RSAD2: variants seen among roughly 807,000 people sequenced by gnomAD.
RSAD2 encodes S-adenosylmethionine-dependent nucleotide dehydratase RSAD2.
In RSAD2, 38 loss-of-function variants were observed where a neutral mutation model predicts 37.7. The observed-to-expected ratio is 1.01, with a 90% CI of 0.78 to 1.32. The LOEUF (loss-of-function observed/expected upper bound fraction) is 1.32, where lower values mean the gene tolerates loss of function less well. RSAD2 is among the 40% of genes most tolerant of loss of function. The pLI is 0.00. For synonymous variants in RSAD2, 163 were observed against 157.4 expected (o/e 1.04, Z -0.27); for missense variants, 428 against 437.5 (o/e 0.98, Z 0.19).
At chr2:6,867,598 C>T (rs1378628151) in intron 1 of RSAD2, among the ~76,000 whole-genome samples, 2 of 152,128 alleles carry the variant, frequency 1.3e-5, no homozygotes, top group Non-Finnish European at 1.5e-5. Context: ...GGTTAGTAGC[C>T]TCTCCTGTGT....
intron 4 of RSAD2, among the ~76,000 whole-genome samples, chr2:6,892,922 C>T (rs1423970590): frequency 6.6e-6 from 1 of 152,164 alleles, no homozygotes; most frequent in Non-Finnish European, 1.5e-5. Flanking sequence ...GCCCTGTGAA[C>T]ATTATATAAA....
At chr2:6,889,055 G>A (rs987492822) in intron 3 of RSAD2, among the ~76,000 whole-genome samples, 1 of 152,196 alleles carries the variant, frequency 6.6e-6, no homozygotes, top group Admixed American at 6.5e-5. Context: ...TCCCCTTCCA[G>A]CTCCTACGGC....
At chr2:6,871,099 T>G (rs1410314996) in intron 1 of RSAD2, among the ~76,000 whole-genome samples, 1 of 152,200 alleles carries the variant, frequency 6.6e-6, no homozygotes, top group African/African-American at 2.4e-5. Context: ...GTTGGTACTT[T>G]GAAAGTCCTC....
In RSAD2 at chr2:6,883,315, T is replaced by C. The variant is rs563921038; in HGVS notation, c.347-56T>C. 40 of 1,532,490 alleles carry C rather than the reference T, an allele frequency of 2.6e-5. 1 individual carries two copies. In the South Asian group the frequency reaches 4.4e-4, roughly 17 times the overall value. 94.9% of individuals were successfully genotyped at this position (1,532,490 alleles called of 1,614,324 possible). ...CATTGAGAAAATACTACTTTTGCTA[T>C]TAAAATAATAATGTATATTTGTGAA... On this transcript the variant is annotated intron_variant, in intron 1 of 5. Transcript: ENST00000382040.
At chr2:6,882,702 C>T (rs1301505491) in intron 1 of RSAD2, among the ~76,000 whole-genome samples, 1 of 152,112 alleles carries the variant, frequency 6.6e-6, no homozygotes, top group East Asian at 1.9e-4. Context: ...GACACCCGGT[C>T]TTGAAATTCC....
At chr2:6,892,428 A>T (rs768041921) in intron 4 of RSAD2, among the ~76,000 whole-genome samples, 7 of 152,150 alleles carry the variant, frequency 4.6e-5, no homozygotes, top group Non-Finnish European at 8.8e-5. Flanking sequence ...CATCAAAGAA[A>T]ATTTGGTTGA....
intron 1 of RSAD2, among the ~76,000 whole-genome samples, chr2:6,872,612 ATGAC>A (rs1663219971): frequency 6.6e-6 from 1 of 152,188 alleles, no homozygotes; most frequent in Admixed American, 6.5e-5. Flanking sequence ...TTACAGTAAA[ATGAC>A]TGGTTATTTA....
intron 2 of RSAD2, among the ~76,000 whole-genome samples, chr2:6,884,779 G>T (rs1263788481): frequency 2.0e-5 from 3 of 152,194 alleles, no homozygotes; most frequent in Non-Finnish European, 4.4e-5. Context: ...GTGCATGAGT[G>T]GAGCGCCAAC....
At chr2:6,893,994 T>C (rs1011294740) in intron 5 of RSAD2, among the ~76,000 whole-genome samples, 17 of 152,204 alleles carry the variant, frequency 1.1e-4, no homozygotes, top group African/African-American at 3.9e-4. Flanking sequence ...GGATGTCACA[T>C]TGAACCCGTT....
At position 6,893,485 on chromosome 2, in the gene RSAD2, A is replaced by C. The variant is rs144080589; in HGVS notation, c.889-186A>C. On this transcript the variant is annotated intron_variant, in intron 4 of 5. Coordinates refer to ENST00000382040, the MANE Select transcript of RSAD2 (RefSeq NM_080657.5). ...GAGCAGAGAATCCAGGCCTGCTGTG[A>C]TCTGTTGAAAACCGAATGCACACAA... 3.5e-3 allele frequency among the ~76,000 whole-genome samples: 528 copies of C among 152,334 alleles called. 2 individuals are homozygous for C. Among genetic ancestry groups the C allele is most frequent in the African/African-American group, 0.012 (516 of 41,572 alleles).
intron 1 of RSAD2, chr2:6,866,260 C>T (rs1407229867): frequency 9.1e-6 from 2 of 219,660 alleles, no homozygotes; most frequent in African/African-American, 4.7e-5. Flanking sequence ...TGGGCTCCCT[C>T]CCCGACCTCA....
intron 5 of RSAD2, among the ~76,000 whole-genome samples, chr2:6,894,720 TC>T (rs1663703731): frequency 6.6e-6 from 1 of 152,252 alleles, no homozygotes. Flanking sequence ...ATGCTGGGAT[TC>T]CAGGTGTGGG....
At chr2:6,895,719 TTGAG>T in intron 5 of RSAD2, 55 bp from the exon 6 acceptor site, 1 of 1,453,316 alleles carries the variant, frequency 6.9e-7, no homozygotes, top group Non-Finnish European at 9.5e-7. Flanking sequence ...ATAGTCTAGA[TTGAG>T]TTTTACAGGA....
chr2:6,884,330 A>C (rs969301532), intron 2 of RSAD2, among the ~76,000 whole-genome samples: 1 of 152,184 alleles, frequency 6.6e-6, no homozygotes, highest in African/African-American at 2.4e-5. Flanking sequence ...AGGGTTAAGC[A>C]GGTAGAGAAG....
chr2:6,894,560 GGGCTCA>G (rs1343773409), intron 5 of RSAD2, among the ~76,000 whole-genome samples: 2 of 152,092 alleles, frequency 1.3e-5, no homozygotes, highest in African/African-American at 4.8e-5. Flanking sequence ...TCAGCCACCT[GGGCTCA>G]GGTGATCCTT....
intron 2 of RSAD2, chr2:6,883,803 A>G: frequency 2.6e-6 from 1 of 386,706 alleles, no homozygotes; most frequent in Non-Finnish European, 4.7e-6. Flanking sequence ...TAGCAAATAC[A>G]AGATCTATGG....
Position 6,897,184 on chromosome 2 carries a change from C to T in RSAD2, c.*1242C>T, listed in dbSNP as rs1392188583. 6.6e-6 allele frequency: 1 copy of T among 152,122 alleles called. No homozygotes were observed. Among genetic ancestry groups the T allele is most frequent in the Non-Finnish European group, 1.5e-5 (1 of 68,040 alleles). 9.4% of individuals were successfully genotyped at this position (152,122 alleles called of 1,614,324 possible). Reference sequence around the variant, plus strand: ...ACTAGATCAGGGAACAAAATCCTCTCCTTGTGGAAATATCCCATGCAGTTT... The same window carrying T: ...ACTAGATCAGGGAACAAAATCCTCTTCTTGTGGAAATATCCCATGCAGTTT... On this transcript the variant is annotated 3_prime_UTR_variant, in exon 6 of 6. Coordinates refer to ENST00000382040, the MANE Select transcript of RSAD2 (RefSeq NM_080657.5).
At chr2:6,890,096 G>A (rs762724483) in intron 3 of RSAD2, 80 bp from the exon 4 acceptor site, 85 of 1,378,722 alleles carry the variant, frequency 6.2e-5, no homozygotes, top group Non-Finnish European at 3.4e-5. Context: ...AAGAGATGAA[G>A]CTTGAAAAGG....
chr2:6,866,420 A>G, intron 1 of RSAD2: 1 of 984,020 alleles, frequency 1.0e-6, no homozygotes, highest in Non-Finnish European at 1.2e-6. Flanking sequence ...CTTTGCACAC[A>G]CTCACCTGTG....
Sources: gnomAD v4.1 joint callset for allele counts (sites outside exome capture counted in the v4.1 genomes callset) on GRCh38, gnomAD v4.1.1 for gene constraint, MANE v1.5 for transcripts, NCBI Gene and HGNC (gene_info 2026-07-23, HGNC 2026-07-21) for gene names.